Variants in DSCAM observed in about 807,000 individuals in gnomAD.
DSCAM encodes the protein DS cell adhesion molecule.
Under a neutral mutation model 217.7 loss-of-function variants are expected in DSCAM, and 47 were observed. The ratio of observed to expected loss-of-function variants is 0.22; its 90% CI spans 0.17 to 0.28. The LOEUF is 0.28. DSCAM is among the 10% of genes least tolerant of loss of function. The pLI, the probability that DSCAM is intolerant of heterozygous loss-of-function variation, is 1.00. For synonymous variants in DSCAM, 1,056 were observed against 1,015.3 expected, an observed-to-expected ratio of 1.04 and a Z score of -0.76; for missense variants, 2,080 against 2,618.3, an observed-to-expected ratio of 0.79 and a Z score of 4.49.
intron 11 of DSCAM, among the ~76,000 whole-genome samples, chr21:40,261,637 T>TTC (rs202011786): frequency 2.6e-4 from 33 of 128,346 alleles, no homozygotes; most frequent in Non-Finnish European, 5.6e-4. Context: ...AATAAACTTA[T>TTC]TCTCTCTCTC....
chr21:40,272,988 C>A (rs144105591), intron 11 of DSCAM, among the ~76,000 whole-genome samples: 7 of 152,026 alleles, frequency 4.6e-5, no homozygotes, highest in African/African-American at 1.4e-4. Flanking sequence ...GAGCTTTGGA[C>A]GAGTATTAGA....
At chr21:40,388,891 T>C (rs962928069) in intron 3 of DSCAM, among the ~76,000 whole-genome samples, 2 of 152,196 alleles carry the variant, frequency 1.3e-5, no homozygotes, top group African/African-American at 4.8e-5. Flanking sequence ...GTTTATAAAT[T>C]CCAGGTAGAA....
chr21:40,381,640 G>A (rs1433775019), intron 3 of DSCAM, among the ~76,000 whole-genome samples: 3 of 152,316 alleles, frequency 2.0e-5, no homozygotes, highest in Non-Finnish European at 4.4e-5. Context: ...TAACTGTAAA[G>A]TTTGTCTACC....
rs570492097 is a variant in DSCAM, at chr21:40,572,225, A to G, written c.508+120585T>C. Among the ~76,000 whole-genome samples, 5 of 152,310 alleles carry G rather than the reference A, an allele frequency of 3.3e-5. No homozygotes were observed. In the East Asian group the frequency reaches 5.8e-4, roughly 18 times the overall value. ...ACAAAGAATGAGAGAATAGAATTAT[A>G]TAATTGTGATAGTCTTAGATTTTTT... On this transcript the variant is annotated intron_variant, in intron 3 of 32. Coordinates refer to ENST00000400454, the MANE Select transcript of DSCAM (RefSeq NM_001389.5).
chr21:40,376,468 A>AGATATCGATATATCTTATATC (rs1373551751), intron 3 of DSCAM, among the ~76,000 whole-genome samples: 1 of 112,794 alleles, frequency 8.9e-6, no homozygotes, highest in African/African-American at 4.3e-5. Flanking sequence ...TATCTTATAT[A>AGATATCGATATATCTTATATC]GATATCTATA....
At chr21:40,197,268 AC>A (rs1249774990) in intron 11 of DSCAM, among the ~76,000 whole-genome samples, 1 of 151,994 alleles carries the variant, frequency 6.6e-6, no homozygotes, top group Admixed American at 6.6e-5. Context: ...ACAGGCGCCC[AC>A]AACCACGCCC....
intron 3 of DSCAM, among the ~76,000 whole-genome samples, chr21:40,614,466 T>C (rs148210084): frequency 1.2e-3 from 187 of 152,308 alleles, no homozygotes; most frequent in Admixed American, 2.5e-3. Flanking sequence ...TCATTAAGAT[T>C]GGCAAGTTCA....
chr21:40,096,905 G>GA (rs1225491620), intron 20 of DSCAM, among the ~76,000 whole-genome samples: 3 of 151,930 alleles, frequency 2.0e-5, no homozygotes, highest in East Asian at 1.9e-4. Flanking sequence ...AGTACTGAAA[G>GA]AAAAAAATCA....
At chr21:40,462,988 T>C (rs2075817938) in intron 3 of DSCAM, among the ~76,000 whole-genome samples, 1 of 152,238 alleles carries the variant, frequency 6.6e-6, no homozygotes, top group Non-Finnish European at 1.5e-5. Flanking sequence ...AGAGTTGATT[T>C]ATTGTATCAC....
chr21:40,378,070 T>C (rs2074980879), intron 3 of DSCAM, among the ~76,000 whole-genome samples: 1 of 152,174 alleles, frequency 6.6e-6, no homozygotes, highest in African/African-American at 2.4e-5. Context: ...ATGCACAAAA[T>C]TGAGTTAAAG....
chr21:40,444,033 G>A (rs2075654327), intron 3 of DSCAM, among the ~76,000 whole-genome samples: 1 of 152,152 alleles, frequency 6.6e-6, no homozygotes, highest in South Asian at 2.1e-4. Context: ...GGAATAAGGT[G>A]CAATAATAGA....
chr21:40,186,146 G>A (rs182572900), intron 14 of DSCAM, among the ~76,000 whole-genome samples: 9 of 152,114 alleles, frequency 5.9e-5, no homozygotes, highest in East Asian at 1.9e-4. Context: ...GTCACCCCTC[G>A]GCTTGCCTTT....
At chr21:40,660,314 C>T (rs2090125298) in intron 3 of DSCAM, among the ~76,000 whole-genome samples, 1 of 152,048 alleles carries the variant, frequency 6.6e-6, no homozygotes. Flanking sequence ...AAGAAGAAAT[C>T]AAAGGAGGAG....
At chr21:40,533,297 T>G (rs1218212858) in intron 3 of DSCAM, among the ~76,000 whole-genome samples, 1 of 152,256 alleles carries the variant, frequency 6.6e-6, no homozygotes, top group East Asian at 1.9e-4. Flanking sequence ...GCTCTATATA[T>G]GTACAAAATA....
intron 29 of DSCAM, 57 bp from the exon 30 acceptor site, chr21:40,052,164 C>T (rs1450998121): frequency 1.7e-5 from 27 of 1,587,200 alleles, no homozygotes; most frequent in Non-Finnish European, 1.8e-5. Flanking sequence ...TCCAACCACT[C>T]CCTGGCCTTT....
chr21:40,543,747 C>T (rs550368134), intron 3 of DSCAM, among the ~76,000 whole-genome samples: 3 of 152,098 alleles, frequency 2.0e-5, no homozygotes, highest in East Asian at 3.9e-4. Context: ...GTCACCTAGC[C>T]GCCAAGCATT....
At chr21:40,444,524 G>A (rs1481309258) in intron 3 of DSCAM, among the ~76,000 whole-genome samples, 1 of 152,202 alleles carries the variant, frequency 6.6e-6, no homozygotes, top group East Asian at 1.9e-4. Context: ...GCACCCATGA[G>A]CAAGAGAGAG....
intron 13 of DSCAM, among the ~76,000 whole-genome samples, chr21:40,187,461 GC>G (rs1482610878): frequency 6.6e-6 from 1 of 152,184 alleles, no homozygotes; most frequent in Non-Finnish European, 1.5e-5. Context: ...AATTTTCATA[GC>G]CCTTAAGAAC....
intron 11 of DSCAM, among the ~76,000 whole-genome samples, chr21:40,220,235 C>CTG (rs767115099): frequency 1.3e-5 from 2 of 152,174 alleles, no homozygotes; most frequent in African/African-American, 2.4e-5. Flanking sequence ...GAGTCATTGT[C>CTG]TGTGTGTGGC....
Sources: gnomAD v4.1 joint callset for allele counts (sites outside exome capture counted in the v4.1 genomes callset) on GRCh38, gnomAD v4.1.1 for gene constraint, MANE v1.5 for transcripts, NCBI Gene and HGNC (gene_info 2026-07-23, HGNC 2026-07-21) for gene names.